Variants in C8B observed in about 807,000 individuals in gnomAD.
C8B encodes the protein complement component C8 beta chain.
C8B carries 67 observed loss-of-function variants against 64.6 expected under a neutral mutation model. The ratio of observed to expected loss-of-function variants is 1.04; its 90% CI spans 0.85 to 1.27. C8B has a LOEUF of 1.27. Among genes scored for constraint, C8B ranks in the 50% most tolerant of loss-of-function variants. The pLI is 0.00. For missense variants in C8B, 790 were observed against 725.2 expected, an observed-to-expected ratio of 1.09 and a Z score of -1.03; for synonymous variants, 284 against 257.7, an observed-to-expected ratio of 1.10 and a Z score of -0.98.
intron 1 of C8B, among the ~76,000 whole-genome samples, chr1:56,964,531 A>G (rs2101480198): frequency 6.6e-6 from 1 of 152,214 alleles, no homozygotes. Context: ...TACCTGGCAC[A>G]CCTTTCAACC....
intron 9 of C8B, among the ~76,000 whole-genome samples, chr1:56,938,060 T>A (rs1445796482): frequency 6.6e-6 from 1 of 152,276 alleles, no homozygotes; most frequent in East Asian, 1.9e-4. Context: ...TAGTTTTCAA[T>A]GAGCTGTTCA....
At chr1:56,938,615 C>T (rs188245460) in intron 9 of C8B, among the ~76,000 whole-genome samples, 2 of 152,286 alleles carry the variant, frequency 1.3e-5, no homozygotes, top group Non-Finnish European at 2.9e-5. Context: ...AAAGAGCTAC[C>T]TATGTCTAAA....
chr1:56,949,421 T>TTGA, intron 6 of C8B, 134 bp downstream of exon 6: 1 of 843,336 alleles, frequency 1.2e-6, no homozygotes, highest in Admixed American at 2.1e-5. Context: ...GATCTTGGAC[T>TTGA]TCCCAGCCTC....
At chr1:56,933,671 A>AATG (rs1242489366) in intron 9 of C8B, among the ~76,000 whole-genome samples, 183 bp from the exon 10 acceptor site, 1 of 152,134 alleles carries the variant, frequency 6.6e-6, no homozygotes, top group African/African-American at 2.4e-5. Context: ...AAATTAGCTC[A>AATG]CTCAAGTTCA....
chr1:56,945,769 T>C, intron 7 of C8B, 52 bp downstream of exon 7: 1 of 1,611,790 alleles, frequency 6.2e-7, no homozygotes, highest in Non-Finnish European at 8.5e-7. Flanking sequence ...AAGTTCAACT[T>C]ATGACTCTTC....
In C8B at chr1:56,943,728, C is replaced by G. The variant is rs1220325243; in HGVS notation, c.1202G>C (p.Gly401Ala). The part of the protein sequence containing the change: ...EVYVSLGVSV[G>A]KCRGILNEIK... The stretch of plus-strand genomic sequence containing the variant: ...TTCATTCAGAATACCTCTGCATTTG[C>G]CTACAGACACACCCAGACTGACGTA... The change falls in exon 8 of 12, where the codon GGC (glycine) becomes GCC (alanine). Residue 401 changes from glycine to alanine, a missense_variant. Transcript: ENST00000371237. 1 of 1,613,984 alleles carries G rather than the reference C, an allele frequency of 6.2e-7. No individual in the cohort carries two copies. Among genetic ancestry groups the G allele is most frequent in the Non-Finnish European group, 8.5e-7 (1 of 1,179,980 alleles).
At chr1:56,962,312 T>C (rs960765886) in intron 1 of C8B, among the ~76,000 whole-genome samples, 1 of 152,212 alleles carries the variant, frequency 6.6e-6, no homozygotes, top group African/African-American at 2.4e-5. Context: ...AAATAGTATG[T>C]TTGTAAATTA....
intron 5 of C8B, among the ~76,000 whole-genome samples, chr1:56,951,311 A>G (rs1645018131): frequency 6.6e-6 from 1 of 152,168 alleles, no homozygotes; most frequent in African/African-American, 2.4e-5. Flanking sequence ...CCCCAGTTTC[A>G]CAGATGAGAA....
At chr1:56,936,739 G>A (rs1026431260) in intron 9 of C8B, among the ~76,000 whole-genome samples, 12 of 151,826 alleles carry the variant, frequency 7.9e-5, no homozygotes, top group Admixed American at 3.3e-4. Flanking sequence ...GATTACAGGC[G>A]CATGCCACCA....
chr1:56,960,038 G>T lies in C8B; in HGVS notation c.231C>A (p.Asp77Glu), dbSNP rs375991328. 1.1e-5 allele frequency: 17 copies of T among 1,614,020 alleles called. No homozygotes were observed. The highest frequency in any genetic ancestry group is 1.4e-5 in the Non-Finnish European group (16 of 1,180,022). The part of the protein sequence containing the change: ...LSSWSSWTTC[D>E]PCQKKRYRYA... Reference sequence around the variant, plus strand: ...TGCTTACCCTTTTCTTCTGACAGGGGTCACATGTGGTCCAAGAGGACCAAC... The same window carrying T: ...TGCTTACCCTTTTCTTCTGACAGGGTTCACATGTGGTCCAAGAGGACCAAC... Residue 77 changes from aspartate (D) to glutamate (E), a missense_variant, in exon 2 of 12, where the codon GAC (aspartate) becomes GAA (glutamate). Asp to Glu is a conservative substitution (Grantham distance 45). Transcript: ENST00000371237.
At chr1:56,947,385 T>C (rs1181228044) in intron 6 of C8B, among the ~76,000 whole-genome samples, 3 of 152,232 alleles carry the variant, frequency 2.0e-5, no homozygotes, top group Non-Finnish European at 2.9e-5. Flanking sequence ...AACTTTTCAC[T>C]GTTCCCCAAG....
chr1:56,955,514 A>G (rs1285539299), intron 3 of C8B, among the ~76,000 whole-genome samples: 1 of 152,240 alleles, frequency 6.6e-6, no homozygotes, highest in African/African-American at 2.4e-5. Context: ...AAAGCCCATA[A>G]GACAGGTAGT....
chr1:56,956,679 C>T (rs1645107744), intron 3 of C8B, 90 bp downstream of exon 3: 1 of 1,460,502 alleles, frequency 6.8e-7, no homozygotes, highest in Non-Finnish European at 9.5e-7. Flanking sequence ...TGACCCTGAT[C>T]TTGAGCACTG....
At position 56,960,130 on chromosome 1, in the gene C8B, A is replaced by G. The variant is rs771455121; in HGVS notation, c.139T>C (p.Phe47Leu). 3 of 1,614,172 alleles carry G rather than the reference A, an allele frequency of 1.9e-6. No homozygotes were observed. The highest frequency in any genetic ancestry group is 4.5e-5 in the East Asian group (2 of 44,882). ...CTCCGCATCTGTCTGCTCTTAGCAA[A>G]GCTCTTGTTGACTGCATTTGACCCA... is the stretch of plus-strand genomic sequence containing the variant. ...SFGSNAVNKS[F>L]AKSRQMRSVD... Residue 47 changes from phenylalanine (F) to leucine (L), a missense_variant, in exon 2 of 12, where the codon TTT becomes CTT. Coordinates refer to ENST00000371237, the MANE Select transcript of C8B (RefSeq NM_000066.4).
At position 56,949,619 on chromosome 1, in the gene C8B, C is replaced by A. The variant is rs770553711; in HGVS notation, c.800G>T (p.Gly267Val). ...GCCTCGATCACTTTGACTACTGATG[C>A]CAAGTTCAAATATTCCAGGTATTTT... is the stretch of plus-strand genomic sequence containing the variant. ...GFKIPGIFEL[G>V]ISSQSDRGKH... Residue 267 changes from glycine (G) to valine (V), a missense_variant, in exon 6 of 12, where the codon GGC (glycine) becomes GTC (valine). By Grantham distance (109) the Gly-to-Val change is moderately radical (BLOSUM62 -3). Coordinates refer to ENST00000371237, the MANE Select transcript of C8B (RefSeq NM_000066.4). 3.7e-6 allele frequency: 6 copies of A among 1,613,910 alleles called. No individual in the cohort carries two copies. Among genetic ancestry groups the A allele is most frequent in the Non-Finnish European group, 5.1e-6 (6 of 1,179,988 alleles).
At chr1:56,931,521 G>C (rs1644700713) in intron 11 of C8B, 1 of 382,608 alleles carries the variant, frequency 2.6e-6, no homozygotes, top group Admixed American at 3.6e-5. Context: ...ATACTAAGCA[G>C]GAAAAGAGGG....
chr1:56,936,587 T>C (rs1458218872), intron 9 of C8B, among the ~76,000 whole-genome samples: 1 of 149,124 alleles, frequency 6.7e-6, no homozygotes, highest in East Asian at 2.0e-4. Flanking sequence ...TTTTTTCTTT[T>C]CCTTTTTTCT....
rs772645354 is a variant in C8B, at chr1:56,945,885, C to G, written c.1041G>C (p.Glu347Asp). The change falls in exon 7 of 12, where the codon GAG (glutamate) becomes GAC (aspartate). Residue 347 changes from glutamate (E) to aspartate (D), a missense_variant. By Grantham distance (45) the Glu-to-Asp change is conservative. Transcript: ENST00000371237. Reference protein sequence around the residue: ...FRDFGTHYITEAVLGGIYEYT... With the variant: ...FRDFGTHYITDAVLGGIYEYT... ...ATTCATAAATGCCCCCAAGCACAGC[C>G]TCTGTGATGTAGTGGGTCCCAAAAT... 1 of 1,614,144 alleles carries G rather than the reference C, an allele frequency of 6.2e-7. No homozygotes were observed. The highest frequency in any genetic ancestry group is 2.2e-5 in the East Asian group (1 of 44,862).
At chr1:56,931,027 G>A (rs1413018944) in intron 11 of C8B, among the ~76,000 whole-genome samples, 1 of 152,168 alleles carries the variant, frequency 6.6e-6, no homozygotes, top group East Asian at 1.9e-4. Context: ...TCCAAGCTGA[G>A]TTTAAGCACT....
Sources: allele counts gnomAD v4.1 joint callset (sites outside exome capture counted in the v4.1 genomes callset), GRCh38; gene constraint gnomAD v4.1.1; transcripts MANE v1.5; gene names NCBI Gene and HGNC (gene_info 2026-07-23, HGNC 2026-07-21).